Variants in KIF26B observed in about 807,000 individuals in gnomAD.
KIF26B encodes kinesin family member 26B.
A neutral mutation model predicts 151.2 loss-of-function variants in KIF26B; 63 were observed. The ratio of observed to expected loss-of-function variants is 0.42; its 90% CI spans 0.34 to 0.51. The LOEUF (loss-of-function observed/expected upper bound fraction) is 0.51. Ranked by LOEUF, KIF26B falls within the 20% of genes least tolerant of loss-of-function variation. KIF26B has a pLI of 0.07. For synonymous variants in KIF26B, 1,357 were observed against 1,262.1 expected (o/e 1.08, Z -1.59); for missense variants, 2,813 against 2,913.6 (o/e 0.97, Z 0.79).
intron 2 of KIF26B, among the ~76,000 whole-genome samples, chr1:245,359,696 C>T (rs1359835408): frequency 2.0e-5 from 3 of 148,534 alleles, no homozygotes; most frequent in Admixed American, 6.7e-5. Flanking sequence ...TCCCTCCCTT[C>T]CCTCCTTCCC....
intron 4 of KIF26B, among the ~76,000 whole-genome samples, chr1:245,446,025 C>T (rs1196979079): frequency 2.0e-5 from 3 of 152,188 alleles, no homozygotes; most frequent in Admixed American, 1.3e-4. Context: ...ATAACATACA[C>T]GTTCTGAGAG....
intron 5 of KIF26B, among the ~76,000 whole-genome samples, chr1:245,543,937 G>A (rs1661681942): frequency 6.6e-6 from 1 of 152,118 alleles, no homozygotes; most frequent in African/African-American, 2.4e-5. Context: ...GACAGAGCGA[G>A]ACTCCATCTC....
At chr1:245,262,331 T>C (rs1319903435) in intron 2 of KIF26B, among the ~76,000 whole-genome samples, 1 of 152,230 alleles carries the variant, frequency 6.6e-6, no homozygotes, top group African/African-American at 2.4e-5. Context: ...CTTGCTGACT[T>C]TTAAGAGACA....
intron 3 of KIF26B, among the ~76,000 whole-genome samples, chr1:245,382,888 T>C (rs566586009): frequency 1.3e-5 from 2 of 151,050 alleles, no homozygotes; most frequent in African/African-American, 2.4e-5. Context: ...TTAAATTATA[T>C]ATGTATATTC....
intron 12 of KIF26B, among the ~76,000 whole-genome samples, chr1:245,689,612 C>CA (rs1234324408): frequency 1.3e-5 from 2 of 152,222 alleles, no homozygotes; most frequent in Non-Finnish European, 2.9e-5. Context: ...GGCTGGAGTG[C>CA]AATGGCGTGA....
At chr1:245,642,480 G>A (rs971959861) in intron 9 of KIF26B, among the ~76,000 whole-genome samples, 3 of 147,514 alleles carry the variant, frequency 2.0e-5, no homozygotes, top group Admixed American at 6.9e-5. Flanking sequence ...AGAATGGCAT[G>A]AACCCAGGAG....
At chr1:245,437,990 C>T (rs928258465) in intron 4 of KIF26B, among the ~76,000 whole-genome samples, 2 of 152,190 alleles carry the variant, frequency 1.3e-5, no homozygotes, top group East Asian at 1.9e-4. Flanking sequence ...TTCTCTCTCT[C>T]TCCTCTCTCG....
At chr1:245,261,184 T>C (rs1338158254) in intron 2 of KIF26B, among the ~76,000 whole-genome samples, 1 of 151,886 alleles carries the variant, frequency 6.6e-6, no homozygotes, top group African/African-American at 2.4e-5. Context: ...TCACTCTTGT[T>C]GCCCAGGCTG....
chr1:245,634,223 C>T (rs2043811234), intron 9 of KIF26B, among the ~76,000 whole-genome samples: 1 of 152,200 alleles, frequency 6.6e-6, no homozygotes, highest in Non-Finnish European at 1.5e-5. Context: ...AGTTCTAGTA[C>T]CTTTTTTGTG....
At position 245,287,525 on chromosome 1, in the gene KIF26B, C is replaced by T. The variant is rs1243301972; in HGVS notation, c.466-79309C>T. ...TTTTTTTTTTTTTTTTTTCCTGTGG[C>T]GGAGTTTCGCTCTTGTTGCCCAGAC... On this transcript the variant is annotated intron_variant, in intron 2 of 14. Coordinates refer to ENST00000407071, the MANE Select transcript of KIF26B (RefSeq NM_018012.4). Among the ~76,000 whole-genome samples the T allele has an allele frequency of 3.3e-4, 39 of 116,800 alleles. No homozygotes were observed. The Admixed American group carries it at 3.7e-3, about 11-fold the overall frequency. 76.6% of individuals were successfully genotyped at this position (116,800 alleles called of 152,430 possible).
chr1:245,301,499 T>C (rs1573761888), intron 2 of KIF26B, among the ~76,000 whole-genome samples: 1 of 152,158 alleles, frequency 6.6e-6, no homozygotes, highest in South Asian at 2.1e-4. Context: ...AGTGGCTGCC[T>C]GGCCAAAGTC....
intron 5 of KIF26B, among the ~76,000 whole-genome samples, chr1:245,599,020 G>A (rs1174988161): frequency 6.6e-6 from 1 of 152,154 alleles, no homozygotes; most frequent in African/African-American, 2.4e-5. Context: ...GGCCGTGCCT[G>A]TTAACAGCTG....
chr1:245,449,211 C>T (rs747976452), intron 4 of KIF26B, among the ~76,000 whole-genome samples: 8 of 152,208 alleles, frequency 5.3e-5, no homozygotes, highest in Non-Finnish European at 1.0e-4. Flanking sequence ...TTTTATTGAG[C>T]TCTCTATATC....
At position 245,685,791 on chromosome 1, in the gene KIF26B, C is replaced by G; in HGVS notation, c.2808C>G (p.Ile936Met). Reference sequence around the variant, plus strand: ...AGCTGCAGGAGAGGCTGGACTGCATCGACGGCAGCGAGGAGCCCAGCAGCT... The same window carrying G: ...AGCTGCAGGAGAGGCTGGACTGCATGGACGGCAGCGAGGAGCCCAGCAGCT... ...FAELQERLDCIDGSEEPSSFP... is the reference protein window; with the variant it reads ...FAELQERLDCMDGSEEPSSFP... Residue 936 changes from isoleucine (I) to methionine (M), a missense_variant, in exon 12 of 15, where the codon ATC becomes ATG. Ile to Met is a conservative substitution (Grantham distance 10). Coordinates refer to ENST00000407071, the MANE Select transcript of KIF26B (RefSeq NM_018012.4). 6.2e-7 allele frequency: 1 copy of G among 1,609,970 alleles called. No homozygotes were observed. The highest frequency in any genetic ancestry group is 8.5e-7 in the Non-Finnish European group (1 of 1,177,712).
chr1:245,555,648 C>A (rs1308835268), intron 5 of KIF26B, among the ~76,000 whole-genome samples: 1 of 152,112 alleles, frequency 6.6e-6, no homozygotes, highest in East Asian at 1.9e-4. Flanking sequence ...ACAAACGTCA[C>A]CCCCTGCATT....
chr1:245,584,205 G>A (rs1463200208), intron 5 of KIF26B, among the ~76,000 whole-genome samples: 1 of 152,070 alleles, frequency 6.6e-6, no homozygotes, highest in Non-Finnish European at 1.5e-5. Flanking sequence ...TTCTCATCAC[G>A]TGATGTGCCT....
chr1:245,185,185 C>A (rs1413043288), intron 2 of KIF26B, among the ~76,000 whole-genome samples: 1 of 151,118 alleles, frequency 6.6e-6, no homozygotes, highest in African/African-American at 2.4e-5. Flanking sequence ...GTCGCCTAGG[C>A]TGGAGTGCAG....
intron 4 of KIF26B, among the ~76,000 whole-genome samples, chr1:245,497,106 T>C (rs1209838446): frequency 1.3e-5 from 2 of 150,910 alleles, no homozygotes; most frequent in Non-Finnish European, 2.9e-5. Flanking sequence ...AGAGCCGAGA[T>C]TGCACCATTG....
intron 2 of KIF26B, among the ~76,000 whole-genome samples, chr1:245,178,433 G>T (rs1200478539): frequency 6.6e-6 from 1 of 152,072 alleles, no homozygotes; most frequent in African/African-American, 2.4e-5. Context: ...TCTCTTGGTA[G>T]TCTTTATTCT....
Sources: allele counts gnomAD v4.1 joint callset (sites outside exome capture counted in the v4.1 genomes callset), GRCh38; gene constraint gnomAD v4.1.1; transcripts MANE v1.5; gene names NCBI Gene and HGNC (gene_info 2026-07-23, HGNC 2026-07-21).